NCAM2: variants seen among roughly 807,000 people sequenced by gnomAD.
NCAM2 encodes N-CAM-2.
In NCAM2, 30 loss-of-function variants were observed where a neutral mutation model predicts 98.1. That is an observed-to-expected ratio of 0.31 (90% CI 0.23 to 0.41). NCAM2 has a LOEUF of 0.41. Ranked by LOEUF, NCAM2 falls within the 10% of genes least tolerant of loss-of-function variation. The pLI, the probability that NCAM2 is intolerant of heterozygous loss-of-function variation, is 1.00. For missense variants in NCAM2, 867 were observed against 1,005.8 expected, an observed-to-expected ratio of 0.86 and a Z score of 1.87; for synonymous variants, 368 against 342.4, an observed-to-expected ratio of 1.07 and a Z score of -0.83.
chr21:21,266,678 T>C (rs1601817718), intron 1 of NCAM2, among the ~76,000 whole-genome samples: 1 of 151,380 alleles, frequency 6.6e-6, no homozygotes, highest in Admixed American at 6.6e-5. Flanking sequence ...CAATGAGAAC[T>C]CATGGACACA....
chr21:21,257,233 C>T (rs2071708314), intron 1 of NCAM2, among the ~76,000 whole-genome samples: 1 of 152,146 alleles, frequency 6.6e-6, no homozygotes, highest in Non-Finnish European at 1.5e-5. Context: ...TGGAATACAA[C>T]CAAATTTATC....
At chr21:21,112,707 G>A (rs1244915635) in intron 1 of NCAM2, among the ~76,000 whole-genome samples, 1 of 152,170 alleles carries the variant, frequency 6.6e-6, no homozygotes, top group African/African-American at 2.4e-5. Flanking sequence ...CCACAAGCAA[G>A]TGGTCAAGCT....
At chr21:21,482,647 C>T (rs1466957539) in intron 15 of NCAM2, among the ~76,000 whole-genome samples, 3 of 151,790 alleles carry the variant, frequency 2.0e-5, no homozygotes, top group African/African-American at 7.2e-5. Context: ...TTTTTATCAA[C>T]CTACTCCCTT....
At chr21:21,518,461 A>AT (rs1032562537) in intron 16 of NCAM2, among the ~76,000 whole-genome samples, 1 of 152,024 alleles carries the variant, frequency 6.6e-6, no homozygotes, top group Non-Finnish European at 1.5e-5. Flanking sequence ...CATTTCCAAT[A>AT]TTTTTTGCTT....
chr21:21,497,738 A>G (rs927659649), intron 15 of NCAM2, among the ~76,000 whole-genome samples: 3 of 152,196 alleles, frequency 2.0e-5, no homozygotes, highest in East Asian at 1.9e-4. Context: ...GCATTCTGGG[A>G]AAAGAAATTC....
chr21:21,411,054 G>GTGTATATA (rs1555889847), intron 10 of NCAM2, among the ~76,000 whole-genome samples: 1 of 29,280 alleles, frequency 3.4e-5, no homozygotes, highest in East Asian at 2.0e-3. Flanking sequence ...ATATGTGTGT[G>GTGTATATA]TATATATATA....
At chr21:21,496,742 T>C (rs920211956) in intron 15 of NCAM2, among the ~76,000 whole-genome samples, 1 of 152,160 alleles carries the variant, frequency 6.6e-6, no homozygotes, top group Non-Finnish European at 1.5e-5. Context: ...TTTTATAGTC[T>C]GAGGCCTTAT....
intron 1 of NCAM2, among the ~76,000 whole-genome samples, chr21:21,200,493 A>G (rs1330626283): frequency 6.6e-6 from 1 of 152,130 alleles, no homozygotes; most frequent in African/African-American, 2.4e-5. Flanking sequence ...TTTAAGAAAT[A>G]AAGAAGATAG....
At chr21:21,164,455 T>C (rs534275719) in intron 1 of NCAM2, among the ~76,000 whole-genome samples, 1 of 152,274 alleles carries the variant, frequency 6.6e-6, no homozygotes, top group South Asian at 2.1e-4. Flanking sequence ...AGAATTGATA[T>C]TGCCTGACCT....
intron 15 of NCAM2, among the ~76,000 whole-genome samples, chr21:21,497,329 C>T (rs1569119814): frequency 6.6e-6 from 1 of 152,034 alleles, no homozygotes; most frequent in African/African-American, 2.4e-5. Context: ...TGCACATATA[C>T]CCCCTACATC....
At chr21:21,232,240 A>G (rs978788587) in intron 1 of NCAM2, among the ~76,000 whole-genome samples, 1 of 151,472 alleles carries the variant, frequency 6.6e-6, no homozygotes, top group African/African-American at 2.4e-5. Context: ...TTTTTCTTAT[A>G]CTCAAATTAT....
intron 8 of NCAM2, among the ~76,000 whole-genome samples, chr21:21,351,622 G>A (rs918939341): frequency 6.6e-6 from 1 of 151,904 alleles, no homozygotes; most frequent in Non-Finnish European, 1.5e-5. Context: ...CTTGATCTGA[G>A]ATATATGTGA....
intron 1 of NCAM2, among the ~76,000 whole-genome samples, chr21:21,043,864 A>G (rs956705893): frequency 2.0e-5 from 3 of 151,300 alleles, no homozygotes; most frequent in African/African-American, 4.8e-5. Context: ...AAAAAAAAAA[A>G]AAAGAAAAAA....
chr21:21,229,362 A>G (rs1407025942), intron 1 of NCAM2, among the ~76,000 whole-genome samples: 1 of 151,540 alleles, frequency 6.6e-6, no homozygotes, highest in Non-Finnish European at 1.5e-5. Flanking sequence ...TATATTCGAA[A>G]TACATGGAAA....
At chr21:21,462,442 C>T (rs1174851677) in intron 12 of NCAM2, among the ~76,000 whole-genome samples, 4 of 151,920 alleles carry the variant, frequency 2.6e-5, no homozygotes, top group Non-Finnish European at 5.9e-5. Context: ...TATTCTATAG[C>T]CTCTACTTCT....
chr21:21,495,656 A>G (rs758869588), intron 15 of NCAM2, among the ~76,000 whole-genome samples: 1 of 152,036 alleles, frequency 6.6e-6, no homozygotes, highest in Non-Finnish European at 1.5e-5. Flanking sequence ...TAAAATTCCA[A>G]TGCCCACCAA....
intron 1 of NCAM2, among the ~76,000 whole-genome samples, chr21:21,090,309 T>A (rs2065987313): frequency 6.6e-6 from 1 of 152,212 alleles, no homozygotes; most frequent in Non-Finnish European, 1.5e-5. Flanking sequence ...ATTGTCTAAT[T>A]CAGCTTTTTT....
At chr21:21,242,530 T>G (rs2147245126) in intron 1 of NCAM2, among the ~76,000 whole-genome samples, 1 of 152,324 alleles carries the variant, frequency 6.6e-6, no homozygotes, top group African/African-American at 2.4e-5. Context: ...ATCTCCATTC[T>G]GTTCTCTACT....
intron 1 of NCAM2, among the ~76,000 whole-genome samples, chr21:21,201,609 C>T (rs2069223779): frequency 6.6e-6 from 1 of 152,202 alleles, no homozygotes; most frequent in Admixed American, 6.5e-5. Flanking sequence ...ATGGATATCT[C>T]TGATGCTTAA....
Sources: gnomAD v4.1 joint callset for allele counts (sites outside exome capture counted in the v4.1 genomes callset) on GRCh38, gnomAD v4.1.1 for gene constraint, MANE v1.5 for transcripts, NCBI Gene and HGNC (gene_info 2026-07-23, HGNC 2026-07-21) for gene names.